The following BCL2L11 variants were observed in gnomAD, a reference collection of about 807,000 sequenced individuals.
BCL2L11 encodes bcl-2-like protein 11.
Under a neutral mutation model 20.6 loss-of-function variants are expected in BCL2L11, and 15 were observed. The ratio of observed to expected loss-of-function variants is 0.73; its 90% CI spans 0.49 to 1.12. The LOEUF is 1.12. Ranked by LOEUF, BCL2L11 falls within the 50% of genes most tolerant of loss-of-function variation. BCL2L11 has a pLI of 0.00. For missense variants in BCL2L11, 292 were observed against 260.9 expected, an observed-to-expected ratio of 1.12 and a Z score of -0.82; for synonymous variants, 108 against 92.8, an observed-to-expected ratio of 1.16 and a Z score of -0.94.
Position 111,120,996 on chromosome 2 carries a change from C to A in BCL2L11, c.-206C>A. On this transcript the variant is annotated 5_prime_UTR_variant, in exon 1 of 4. Coordinates refer to ENST00000393256, the MANE Select transcript of BCL2L11 (RefSeq NM_138621.5). The stretch of plus-strand genomic sequence containing the variant: ...GCTGCCGCTGCCGCCGCCGCCGCCG[C>A]CGCCGCCGCCGCCGCCGCCGCCGCC... 1 of 400,588 alleles carries A rather than the reference C, an allele frequency of 2.5e-6. No homozygotes were observed. The allele number at this position is 400,588 out of a possible 1,614,324, so 24.8% of individuals were successfully genotyped here. A position where few individuals can be genotyped will look rare whatever the true frequency, so the allele number is the denominator to read the frequency against.
chr2:111,164,978 C>A lies in BCL2L11; in HGVS notation c.*747C>A, dbSNP rs1330455598. ...TCTTTCCTCATCACTTTTTGTGATG[C>A]AACTCCAGTCTGGACTCAGATGCAT... is the stretch of plus-strand genomic sequence containing the variant. On this transcript the variant is annotated 3_prime_UTR_variant, in exon 4 of 4. Coordinates refer to ENST00000393256, the MANE Select transcript of BCL2L11 (RefSeq NM_138621.5). 6.6e-6 allele frequency: 1 copy of A among 152,242 alleles called. No individual in the cohort carries two copies. The highest frequency in any genetic ancestry group is 1.5e-5 in the Non-Finnish European group (1 of 68,044). 9.4% of individuals were successfully genotyped at this position (152,242 alleles called of 1,614,324 possible).
chr2:111,124,016 C>G lies in BCL2L11; in HGVS notation c.271C>G (p.Arg91Gly). ...TATGAGAAGATCCTCCCTGCTGTCT[C>G]GATCCTCCAGTGGGTATTTCTCTTT... ...IFMRRSSLLSRSSSGYFSFDT... is the reference protein window; with the variant it reads ...IFMRRSSLLSGSSSGYFSFDT... The change falls in exon 2 of 4, where the codon CGA becomes GGA. Residue 91 changes from arginine (R) to glycine (G), a missense_variant. By Grantham distance (125) the Arg-to-Gly change is moderately radical (BLOSUM62 -2). Transcript: ENST00000393256. 1.2e-6 allele frequency: 2 copies of G among 1,614,232 alleles called. No individual in the cohort carries two copies. The highest frequency in any genetic ancestry group is 8.5e-7 in the Non-Finnish European group (1 of 1,180,044).
At chr2:111,136,911 C>A (rs929542217) in intron 2 of BCL2L11, among the ~76,000 whole-genome samples, 4 of 152,138 alleles carry the variant, frequency 2.6e-5, no homozygotes, top group African/African-American at 7.2e-5. Context: ...AACAGACTTA[C>A]AATGATGGAA....
chr2:111,123,057 CCCTCCCCATT>C (rs2071523659), intron 1 of BCL2L11: 1 of 974,922 alleles, frequency 1.0e-6, no homozygotes, highest in African/African-American at 1.8e-5. Flanking sequence ...CTCCGCCGCC[CCCTCCCCATT>C]TAGAGATGTG....
chr2:111,153,907 G>T, intron 3 of BCL2L11: 1 of 1,541,964 alleles, frequency 6.5e-7, no homozygotes, highest in South Asian at 1.2e-5. Context: ...AGGCACAGGT[G>T]AGCGCAAAGT....
At chr2:111,161,351 G>C (rs1437106680) in intron 3 of BCL2L11, 1 of 1,521,674 alleles carries the variant, frequency 6.6e-7, no homozygotes, top group Non-Finnish European at 8.9e-7. Flanking sequence ...AATCAGGAAA[G>C]ACAGTCTGTC....
chr2:111,121,608 T>A (rs2070950619), intron 1 of BCL2L11, among the ~76,000 whole-genome samples: 1 of 151,966 alleles, frequency 6.6e-6, no homozygotes, highest in Non-Finnish European at 1.5e-5. Flanking sequence ...GGCCGCGCAG[T>A]GTGAGGGTGT....
At chr2:111,123,582 A>AT in intron 1 of BCL2L11, 151 bp from the exon 2 acceptor site, 2 of 964,008 alleles carry the variant, frequency 2.1e-6, no homozygotes, top group Non-Finnish European at 2.5e-6. Flanking sequence ...TTTAGGTGCA[A>AT]TTTTTTTATT....
At chr2:111,130,477 G>T (rs2073724534) in intron 2 of BCL2L11, among the ~76,000 whole-genome samples, 1 of 152,214 alleles carries the variant, frequency 6.6e-6, no homozygotes, top group South Asian at 2.1e-4. Flanking sequence ...GTCTTCTGTT[G>T]TGCAGTTTGC....
intron 2 of BCL2L11, among the ~76,000 whole-genome samples, chr2:111,145,114 G>C (rs1380082464): frequency 6.6e-6 from 1 of 152,218 alleles, no homozygotes; most frequent in Non-Finnish European, 1.5e-5. Context: ...AAACAGTACA[G>C]AGTGCAGCGT....
At chr2:111,163,861 C>CT (rs10547953) in intron 3 of BCL2L11, among the ~76,000 whole-genome samples, 2,367 of 104,668 alleles carry the variant, frequency 0.023, 41 homozygotes, top group African/African-American at 0.049. Flanking sequence ...TTTTTGAGTG[C>CT]TTTTTTTTTT....
chr2:111,122,407 G>A (rs1016736906), intron 1 of BCL2L11, among the ~76,000 whole-genome samples: 9 of 152,090 alleles, frequency 5.9e-5, no homozygotes, highest in Non-Finnish European at 1.3e-4. Flanking sequence ...ATCCTCCGAC[G>A]AAGCGGCAGC....
At chr2:111,147,222 C>T (rs773361380) in intron 2 of BCL2L11, among the ~76,000 whole-genome samples, 17 of 152,096 alleles carry the variant, frequency 1.1e-4, no homozygotes, top group Non-Finnish European at 2.5e-4. Flanking sequence ...CATCTCAGGG[C>T]TCCAGAGCAT....
At chr2:111,129,060 A>G (rs1402792366) in intron 2 of BCL2L11, among the ~76,000 whole-genome samples, 5 of 152,246 alleles carry the variant, frequency 3.3e-5, no homozygotes, top group Non-Finnish European at 7.3e-5. Context: ...ACTTAGGAGA[A>G]TGGAAGTGAT....
intron 1 of BCL2L11, chr2:111,122,609 G>T (rs1352838765): frequency 7.1e-6 from 7 of 984,600 alleles, no homozygotes; most frequent in Non-Finnish European, 7.2e-6. Flanking sequence ...CGGTGCCGGC[G>T]GCGGCGGGCG....
chr2:111,138,449 TC>T (rs1181955376), intron 2 of BCL2L11, among the ~76,000 whole-genome samples: 2 of 152,206 alleles, frequency 1.3e-5, no homozygotes. Flanking sequence ...TTTTTGGCAT[TC>T]CCAGCAGCCT....
intron 1 of BCL2L11, chr2:111,122,699 G>C (rs1348902015): frequency 1.0e-6 from 1 of 981,926 alleles, no homozygotes; most frequent in Non-Finnish European, 1.2e-6. Flanking sequence ...CCAGAGGCGC[G>C]GCGTGCGGAG....
chr2:111,139,591 A>ATAATCAAAATTTTGATATT (rs1357661444), intron 2 of BCL2L11, among the ~76,000 whole-genome samples: 133 of 152,208 alleles, frequency 8.7e-4, no homozygotes, highest in Non-Finnish European at 1.4e-3. Flanking sequence ...TTGGCCATTG[A>ATAATCAAAATTTTGATATT]TAATCAAAAT....
intron 2 of BCL2L11, among the ~76,000 whole-genome samples, chr2:111,125,913 A>G (rs2072481741): frequency 6.6e-6 from 1 of 152,136 alleles, no homozygotes; most frequent in South Asian, 2.1e-4. Flanking sequence ...CCCCATATAT[A>G]TGATCATTCT....
Sources: gnomAD v4.1 joint callset for allele counts (sites outside exome capture counted in the v4.1 genomes callset) on GRCh38, gnomAD v4.1.1 for gene constraint, MANE v1.5 for transcripts, NCBI Gene and HGNC (gene_info 2026-07-23, HGNC 2026-07-21) for gene names.